Variants in MYLK observed in about 807,000 individuals in gnomAD.
MYLK encodes myosin light chain kinase, also known as myosin light chain kinase, smooth muscle.
In MYLK, 106 loss-of-function variants were observed where a neutral mutation model predicts 203.4. That is an observed-to-expected ratio of 0.52 (90% CI 0.45 to 0.61). The LOEUF (loss-of-function observed/expected upper bound fraction) is 0.61, where lower values mean the gene tolerates loss of function less well. Ranked by LOEUF, MYLK falls within the 20% of genes least tolerant of loss-of-function variation. The pLI is 0.00. For missense variants in MYLK, 2,072 were observed against 2,442.3 expected (o/e 0.85, Z 3.20); for synonymous variants, 867 against 959.5 (o/e 0.90, Z 1.78).
intron 4 of MYLK, among the ~76,000 whole-genome samples, chr3:123,778,195 A>C (rs1160251568): frequency 1.3e-5 from 2 of 152,156 alleles, no homozygotes; most frequent in South Asian, 2.1e-4. Context: ...AAAAAGTCTT[A>C]CTCTTTTTAC....
chr3:123,802,264 T>C (rs1391122073), intron 3 of MYLK, among the ~76,000 whole-genome samples: 1 of 152,226 alleles, frequency 6.6e-6, no homozygotes, highest in African/African-American at 2.4e-5. Context: ...CTGGCATCCT[T>C]GAGTGACTTG....
At chr3:123,851,330 T>C (rs1035017509) in intron 2 of MYLK, among the ~76,000 whole-genome samples, 1 of 152,192 alleles carries the variant, frequency 6.6e-6, no homozygotes, top group Admixed American at 6.5e-5. Context: ...TAAATTACCT[T>C]GGGCAGTATG....
intron 3 of MYLK, chr3:123,814,081 G>T (rs2065656373): frequency 1.5e-5 from 4 of 264,012 alleles, no homozygotes; most frequent in Non-Finnish European, 3.0e-5. Flanking sequence ...TCCCCATGCA[G>T]CTGTGTCAAA....
intron 2 of MYLK, among the ~76,000 whole-genome samples, chr3:123,846,200 C>G (rs2029960535): frequency 1.3e-5 from 2 of 152,198 alleles, no homozygotes; most frequent in South Asian, 2.1e-4. Context: ...CTTCCCATTT[C>G]CATGTCTGTT....
chr3:123,837,328 G>C (rs1330870888), intron 2 of MYLK, among the ~76,000 whole-genome samples: 2 of 152,010 alleles, frequency 1.3e-5, no homozygotes, highest in African/African-American at 4.8e-5. Context: ...ACTGTGCCCA[G>C]CCTGTAACAT....
intron 2 of MYLK, among the ~76,000 whole-genome samples, chr3:123,859,946 A>G (rs2031748081): frequency 6.6e-6 from 1 of 151,992 alleles, no homozygotes; most frequent in Non-Finnish European, 1.5e-5. Flanking sequence ...GGATTCTTTA[A>G]TATTTTCAGA....
At chr3:123,622,933 C>T (rs2057949456) in intron 31 of MYLK, 1 of 152,174 alleles carries the variant, frequency 6.6e-6, no homozygotes, top group Non-Finnish European at 1.5e-5. Context: ...GGGCAATTGC[C>T]CAGGCTGGGT....
At chr3:123,806,963 C>T (rs1390393801) in intron 3 of MYLK, among the ~76,000 whole-genome samples, 1 of 151,932 alleles carries the variant, frequency 6.6e-6, no homozygotes, top group Non-Finnish European at 1.5e-5. Context: ...CCGTGCCTGG[C>T]CAACATACTG....
chr3:123,733,230 T>C (rs2062550330), intron 10 of MYLK, 128 bp from the exon 11 acceptor site: 1 of 1,024,140 alleles, frequency 9.8e-7, no homozygotes, highest in East Asian at 2.6e-5. Flanking sequence ...CTCCCACCTC[T>C]GAGTCTGCTT....
At position 123,733,059 on chromosome 3, in the gene MYLK, G is replaced by A. The variant is rs774348948; in HGVS notation, c.1353C>T (p.Gly451=). 4 of 1,613,870 alleles carry A rather than the reference G, an allele frequency of 2.5e-6. No homozygotes were observed. Among genetic ancestry groups the A allele is most frequent in the African/African-American group, 1.3e-5 (1 of 74,922 alleles). The part of the protein sequence containing the change: ...PKPEVAWFLE[G]TPVRRQEGSI... The stretch of plus-strand genomic sequence containing the variant: ...TGCCTTCCTGTCTCCTCACGGGGGT[G>A]CCTTCCAGGAACCAGGCCACTTCAG... Residue 451 remains glycine (G), a synonymous_variant, in exon 11 of 34, where the codon GGC becomes GGT. Transcript: ENST00000360304.
chr3:123,755,142 C>T (rs2063323378), intron 4 of MYLK, among the ~76,000 whole-genome samples: 1 of 152,218 alleles, frequency 6.6e-6, no homozygotes, highest in African/African-American at 2.4e-5. Flanking sequence ...CTGGTCTACC[C>T]AGGCTTCTAT....
intron 2 of MYLK, among the ~76,000 whole-genome samples, chr3:123,843,892 A>C (rs1287494251): frequency 2.6e-5 from 4 of 152,150 alleles, no homozygotes; most frequent in Admixed American, 2.6e-4. Context: ...CTTCTGCTCT[A>C]AGTGAGAGGG....
chr3:123,778,203 T>C (rs1361075922), intron 4 of MYLK, among the ~76,000 whole-genome samples: 2 of 152,162 alleles, frequency 1.3e-5, no homozygotes, highest in Non-Finnish European at 2.9e-5. Flanking sequence ...TTACTCTTTT[T>C]ACATATACAC....
Position 123,747,618 on chromosome 3 carries a change from G to T in MYLK, c.373+4713C>A, listed in dbSNP as rs145595588. Among the ~76,000 whole-genome samples the T allele has an allele frequency of 1.3e-4, 20 of 152,330 alleles. No homozygotes were observed. In the East Asian group the frequency reaches 3.7e-3, roughly 28 times the overall value. On this transcript the variant is annotated intron_variant, in intron 5 of 33. Transcript: ENST00000360304. ...ACCAGCAGCATGGCATCAACTGGCG[G>T]CTGGAAATGCAGACTCCCAGGCTCT... is the stretch of plus-strand genomic sequence containing the variant.
At chr3:123,715,827 C>T (rs2061872437) in intron 13 of MYLK, 2 of 152,156 alleles carry the variant, frequency 1.3e-5, no homozygotes, top group Non-Finnish European at 2.9e-5. Flanking sequence ...TTCTGAATTT[C>T]TCCTTATAAG....
intron 2 of MYLK, among the ~76,000 whole-genome samples, chr3:123,865,631 G>C (rs116958714): frequency 6.6e-6 from 1 of 152,338 alleles, no homozygotes; most frequent in East Asian, 1.9e-4. Context: ...GAGTGAGGTA[G>C]AGAACAGGTA....
In MYLK at chr3:123,664,106, C is replaced by T. The variant is rs1156455755; in HGVS notation, c.3984G>A (p.Val1328=). The T allele has an allele frequency of 6.2e-7, 1 of 1,614,030 alleles. No homozygotes were observed. The highest frequency in any genetic ancestry group is 1.3e-5 in the African/African-American group (1 of 75,044). ...ATGCCACCCAGCCACCAGACTCACC[C>T]ACGACAGTGAGGTTGACCTGGGCCT... ...SRQAQVNLTV[V]DKPDPPAGTP... is the part of the protein sequence containing the mutation. The change falls in exon 23 of 34, where the codon GTG becomes GTA. Residue 1328 remains valine, a splice_region_variant and synonymous_variant. Coordinates refer to ENST00000360304, the MANE Select transcript of MYLK (RefSeq NM_053025.4).
At chr3:123,663,386 G>A (rs2059627736) in intron 23 of MYLK, among the ~76,000 whole-genome samples, 2 of 151,936 alleles carry the variant, frequency 1.3e-5, no homozygotes, top group South Asian at 4.1e-4. Flanking sequence ...AACAGTCCCT[G>A]CAGACTAATG....
At chr3:123,656,700 A>G (rs372523950) in intron 24 of MYLK, among the ~76,000 whole-genome samples, 10 of 152,144 alleles carry the variant, frequency 6.6e-5, no homozygotes, top group African/African-American at 1.7e-4. Context: ...CCTTCTCATT[A>G]TAGTTAGCCA....
Sources: gnomAD v4.1 joint callset for allele counts (sites outside exome capture counted in the v4.1 genomes callset) on GRCh38, gnomAD v4.1.1 for gene constraint, MANE v1.5 for transcripts, NCBI Gene and HGNC (gene_info 2026-07-23, HGNC 2026-07-21) for gene names.